LTA: variants seen among roughly 807,000 people sequenced by gnomAD.
The protein encoded by LTA is lymphotoxin alpha, also known as lymphotoxin-alpha.
A neutral mutation model predicts 15.1 loss-of-function variants in LTA; 6 were observed. That is an observed-to-expected ratio of 0.40 (90% CI 0.22 to 0.78). LTA has a LOEUF of 0.78. LTA is among the 30% of genes least tolerant of loss of function. The probability of loss-of-function intolerance (pLI) is 0.38; values close to 1 mark genes in which losing one functional copy is unlikely to be tolerated. For synonymous variants in LTA, 87 were observed against 107.3 expected, an observed-to-expected ratio of 0.81 and a Z score of 1.17; for missense variants, 173 against 249.5, an observed-to-expected ratio of 0.69 and a Z score of 2.06.
upstream of LTA, among the ~76,000 whole-genome samples, chr6:31,571,217 C>T (rs898849508): frequency 2.0e-5 from 3 of 151,982 alleles, no homozygotes; most frequent in Non-Finnish European, 4.4e-5. Context: ...CGCACCAGCA[C>T]GCCTGGCTAA....
rs3093545 is a variant in LTA, at chr6:31,574,182, G to A, written c.*489G>A. ...AGTGAGAGGGCATGCGCACAAGGCT[G>A]ACCAAGAGAGAAAGAAGTAGGCATG... On this transcript the variant is annotated 3_prime_UTR_variant, in exon 4 of 4. Transcript: ENST00000418386. The A allele has an allele frequency of 4.1e-6, 1 of 244,488 alleles. No individual in the cohort carries two copies. The highest frequency in any genetic ancestry group is 8.2e-6 in the Non-Finnish European group (1 of 122,372). 15.1% of individuals were successfully genotyped at this position (244,488 alleles called of 1,614,324 possible).
upstream of LTA, among the ~76,000 whole-genome samples, chr6:31,567,234 G>A (rs1217886087): frequency 6.6e-6 from 1 of 151,912 alleles, no homozygotes; most frequent in Admixed American, 6.6e-5. Context: ...GGCAGAGGTT[G>A]CAGTGAGATG....
At chr6:31,565,074 TGAG>T in the LTA span, among the ~76,000 whole-genome samples, 15 of 151,978 alleles carry the variant, frequency 9.9e-5, no homozygotes, top group Admixed American at 1.3e-4. Flanking sequence ...CTTTGGGAGA[TGAG>T]GAGGAGTTTA....
chr6:31,569,179 T>G (rs1770713709), upstream of LTA, among the ~76,000 whole-genome samples: 1 of 152,062 alleles, frequency 6.6e-6, no homozygotes, highest in Non-Finnish European at 1.5e-5. Context: ...TCGGCTAATT[T>G]TTTGTATTTT....
upstream of LTA, among the ~76,000 whole-genome samples, chr6:31,568,638 A>C (rs1486580040): frequency 1.3e-5 from 2 of 152,188 alleles, no homozygotes; most frequent in Admixed American, 6.5e-5. This position sits in a 1 kb window ranked among gnomAD's most constrained non-coding sequence, Gnocchi z 4.1. Context: ...GACCACTATA[A>C]AGACTGTATT....
chr6:31,574,028 A>G lies in LTA; in HGVS notation c.*335A>G. ...GCAGGCACATGGAGGAGCTTGGGGG[A>G]TGACTAGAGGCAGGGAGGGGACTAT... On this transcript the variant is annotated 3_prime_UTR_variant, in exon 4 of 4. Transcript: ENST00000418386. 1 of 518,248 alleles carries G rather than the reference A, an allele frequency of 1.9e-6. No individual in the cohort carries two copies. Among genetic ancestry groups the G allele is most frequent in the African/African-American group, 1.9e-5 (1 of 52,180 alleles). The allele number at this position is 518,248 out of a possible 1,614,324, so 32.1% of individuals were successfully genotyped here.
At chr6:31,564,118 T>A in the LTA span, among the ~76,000 whole-genome samples, 1 of 152,172 alleles carries the variant, frequency 6.6e-6, no homozygotes, top group African/African-American at 2.4e-5. Context: ...CTTGAAGGCA[T>A]AATTCTTCCA....
At chr6:31,570,926 C>T (rs1363993432), upstream of LTA, among the ~76,000 whole-genome samples, 1 of 151,984 alleles carries the variant, frequency 6.6e-6, no homozygotes, top group South Asian at 2.1e-4. Flanking sequence ...ATGAGGGAAC[C>T]TGCTGGGGAC....
upstream of LTA, among the ~76,000 whole-genome samples, chr6:31,568,777 G>C (rs1159096340): frequency 6.6e-6 from 1 of 152,106 alleles, no homozygotes; most frequent in Non-Finnish European, 1.5e-5. The surrounding 1 kb of genome is among the most constrained non-coding windows in gnomAD (Gnocchi z 4.1). Context: ...TTGAAACCAA[G>C]ATTGGCCCAT....
chr6:31,566,795 C>T, the LTA span, among the ~76,000 whole-genome samples: 8 of 151,454 alleles, frequency 5.3e-5, no homozygotes, highest in Admixed American at 2.6e-4. Context: ...CAAAAATTAG[C>T]CAGGCATGGT....
upstream of LTA, among the ~76,000 whole-genome samples, chr6:31,569,208 A>G (rs1298616062): frequency 6.6e-6 from 1 of 151,986 alleles, no homozygotes; most frequent in Non-Finnish European, 1.5e-5. Context: ...ATGGAGTTTC[A>G]CCGTATTAGC....
upstream of LTA, among the ~76,000 whole-genome samples, chr6:31,567,356 G>A (rs190775951): frequency 6.6e-6 from 1 of 152,112 alleles, no homozygotes; most frequent in Non-Finnish European, 1.5e-5. Context: ...AGGAGTTCGA[G>A]ACCAGCCTGA....
At chr6:31,573,191 C>T in intron 3 of LTA, 90 bp from the exon 4 acceptor site, 1 of 1,374,988 alleles carries the variant, frequency 7.3e-7, no homozygotes, top group Non-Finnish European at 1.0e-6. Flanking sequence ...CCCCCAGGAA[C>T]TCAGTTGTTC....
At position 31,573,553 on chromosome 6, in the gene LTA, C is replaced by A; in HGVS notation, c.478C>A (p.Gln160Lys). The change falls in exon 4 of 4, where the codon CAG (glutamine) becomes AAG (lysine). Residue 160 changes from glutamine (Q) to lysine (K), a missense_variant. Transcript: ENST00000418386. ...SSQKMVYPGL[Q>K]EPWLHSMYHG... ...CCAGAAGATGGTGTATCCAGGGCTGCAGGAACCCTGGCTGCACTCGATGTA... is the reference window on the plus strand; with the variant it reads ...CCAGAAGATGGTGTATCCAGGGCTGAAGGAACCCTGGCTGCACTCGATGTA... 1 of 1,614,120 alleles carries A rather than the reference C, an allele frequency of 6.2e-7. No homozygotes were observed. Among genetic ancestry groups the A allele is most frequent in the South Asian group, 1.1e-5 (1 of 91,088 alleles).
At chr6:31,564,792 T>C in the LTA span, among the ~76,000 whole-genome samples, 1 of 150,022 alleles carries the variant, frequency 6.7e-6, no homozygotes, top group South Asian at 2.1e-4. Flanking sequence ...TATGCGCCTG[T>C]AGTCCTAGCT....
the LTA span, among the ~76,000 whole-genome samples, chr6:31,565,433 G>T: frequency 6.6e-6 from 1 of 152,170 alleles, no homozygotes; most frequent in African/African-American, 2.4e-5. Context: ...CAGAATGGAA[G>T]ATGCACTGCA....
At chr6:31,566,364 C>T in the LTA span, among the ~76,000 whole-genome samples, 2 of 151,926 alleles carry the variant, frequency 1.3e-5, no homozygotes, top group South Asian at 2.1e-4. Context: ...AAAACCAGGC[C>T]GGGTGCAGTG....
In LTA at chr6:31,573,881, C is replaced by T. The variant is rs1282160976; in HGVS notation, c.*188C>T. The T allele has an allele frequency of 6.8e-6, 5 of 734,462 alleles. No individual in the cohort carries two copies. The highest frequency in any genetic ancestry group is 1.7e-5 in the African/African-American group (1 of 57,750). 45.5% of individuals were successfully genotyped at this position (734,462 alleles called of 1,614,324 possible). The stretch of plus-strand genomic sequence containing the variant: ...CTAGGCATCCCAGGGGACCACACCT[C>T]CCTGAACCATCCCTGATGTCTGTCT... On this transcript the variant is annotated 3_prime_UTR_variant, in exon 4 of 4. Coordinates refer to ENST00000418386, the MANE Select transcript of LTA (RefSeq NM_000595.4).
At position 31,573,594 on chromosome 6, in the gene LTA, C is replaced by T; in HGVS notation, c.519C>T (p.Phe173=). 1 of 1,614,200 alleles carries T rather than the reference C, an allele frequency of 6.2e-7. No individual in the cohort carries two copies. Among genetic ancestry groups the T allele is most frequent in the Non-Finnish European group, 8.5e-7 (1 of 1,180,034 alleles). Residue 173 remains phenylalanine, a synonymous_variant, in exon 4 of 4, where the codon TTC becomes TTT. Coordinates refer to ENST00000418386, the MANE Select transcript of LTA (RefSeq NM_000595.4). ...ACTCGATGTACCACGGGGCTGCGTT[C>T]CAGCTCACCCAGGGAGACCAGCTAT... is the stretch of plus-strand genomic sequence containing the variant. ...WLHSMYHGAA[F]QLTQGDQLST...
Sources: gnomAD v4.1 joint callset for allele counts (sites outside exome capture counted in the v4.1 genomes callset) on GRCh38, gnomAD v4.1.1 for gene constraint, Gnocchi (gnomAD v3.1) non-coding constraint, MANE v1.5 for transcripts, NCBI Gene and HGNC (gene_info 2026-07-23, HGNC 2026-07-21) for gene names.